Variants in MRAP2 observed in about 807,000 individuals in gnomAD.
The protein encoded by MRAP2 is melanocortin-2 receptor accessory protein 2.
Under a neutral mutation model 17.4 loss-of-function variants are expected in MRAP2, and 20 were observed. The ratio of observed to expected loss-of-function variants is 1.15; its 90% confidence interval spans 0.81 to 1.67. MRAP2 has a LOEUF of 1.67. Among genes scored for constraint, MRAP2 ranks in the 40% most tolerant of loss-of-function variants. MRAP2 has a pLI of 0.00. For synonymous variants in MRAP2, 96 were observed against 88.4 expected (o/e 1.09, Z -0.48); for missense variants, 238 against 240.0 (o/e 0.99, Z 0.05).
At chr6:84,139,543 G>T in the MRAP2 span, among the ~76,000 whole-genome samples, 39 of 152,306 alleles carry the variant, frequency 2.6e-4, no homozygotes, top group African/African-American at 9.4e-4. Flanking sequence ...TGGCAATGCA[G>T]ATGGGACTTT....
downstream of MRAP2, among the ~76,000 whole-genome samples, chr6:84,095,365 C>T (rs1218080218): frequency 1.3e-5 from 2 of 152,198 alleles, no homozygotes; most frequent in Non-Finnish European, 2.9e-5. Context: ...TCAGTTTTCC[C>T]CTGCTCACTT....
chr6:84,049,522 G>A (rs1329607239), intron 1 of MRAP2, among the ~76,000 whole-genome samples: 1 of 152,176 alleles, frequency 6.6e-6, no homozygotes, highest in Non-Finnish European at 1.5e-5. Context: ...GGCATAACAG[G>A]AAGATGTAGA....
chr6:84,057,461 A>G (rs1040878912), intron 2 of MRAP2, among the ~76,000 whole-genome samples: 10 of 152,168 alleles, frequency 6.6e-5, no homozygotes, highest in Non-Finnish European at 1.5e-4. Context: ...TAAGATTCCT[A>G]CCTTCAAAGG....
chr6:84,054,993 A>G (rs555138015), intron 1 of MRAP2, among the ~76,000 whole-genome samples: 78 of 152,338 alleles, frequency 5.1e-4, no homozygotes, highest in African/African-American at 1.9e-3. Flanking sequence ...AGATTTTGAC[A>G]TACTCTTTCC....
chr6:84,041,589 G>C (rs1383802841), intron 1 of MRAP2, among the ~76,000 whole-genome samples: 1 of 152,270 alleles, frequency 6.6e-6, no homozygotes, highest in Non-Finnish European at 1.5e-5. Context: ...AGCTGCCCAA[G>C]GCTATGGGAG....
chr6:84,134,523 G>C, the MRAP2 span, among the ~76,000 whole-genome samples: 1 of 152,182 alleles, frequency 6.6e-6, no homozygotes, highest in African/African-American at 2.4e-5. Flanking sequence ...AAGACCTTGG[G>C]AAAAGCATAG....
the MRAP2 span, among the ~76,000 whole-genome samples, chr6:84,115,767 C>A: frequency 6.6e-6 from 1 of 152,190 alleles, no homozygotes; most frequent in Non-Finnish European, 1.5e-5. Context: ...AAAAGTACAA[C>A]ATCTGGGCTG....
chr6:84,108,949 GT>G, the MRAP2 span, among the ~76,000 whole-genome samples: 1 of 152,126 alleles, frequency 6.6e-6, no homozygotes, highest in Non-Finnish European at 1.5e-5. Context: ...CCCCTGGCTT[GT>G]TTTTGTCGTT....
the MRAP2 span, among the ~76,000 whole-genome samples, chr6:84,097,726 T>C: frequency 5.9e-5 from 9 of 152,210 alleles, no homozygotes; most frequent in Admixed American, 5.9e-4. Flanking sequence ...TTGTTTAATG[T>C]TTCTTATTCT....
intron 1 of MRAP2, among the ~76,000 whole-genome samples, chr6:84,040,760 A>G (rs2099487331): frequency 6.6e-6 from 1 of 152,182 alleles, no homozygotes; most frequent in African/African-American, 2.4e-5. Context: ...GTGGATCATC[A>G]GAGAGATGAT....
chr6:84,082,083 T>G (rs2099499141), intron 3 of MRAP2, among the ~76,000 whole-genome samples: 1 of 152,200 alleles, frequency 6.6e-6, no homozygotes, highest in Non-Finnish European at 1.5e-5. Flanking sequence ...ACCCATACAT[T>G]AGACATTAGA....
the MRAP2 span, among the ~76,000 whole-genome samples, chr6:84,122,027 CAGCT>C: frequency 4.6e-5 from 7 of 152,032 alleles, no homozygotes; most frequent in East Asian, 1.4e-3. Flanking sequence ...ACCAAATTGA[CAGCT>C]AGATTAACCA....
At chr6:84,085,585 A>AC (rs2099500227) in intron 3 of MRAP2, among the ~76,000 whole-genome samples, 1 of 152,192 alleles carries the variant, frequency 6.6e-6, no homozygotes, top group African/African-American at 2.4e-5. Context: ...ATTTTCAGAA[A>AC]CAAGCAAAGG....
At chr6:84,108,797 T>C in the MRAP2 span, among the ~76,000 whole-genome samples, 2 of 152,226 alleles carry the variant, frequency 1.3e-5, no homozygotes, top group Admixed American at 1.3e-4. Flanking sequence ...ACAGGGTTTT[T>C]ATAGTTTGAG....
chr6:84,107,807 C>A, the MRAP2 span, among the ~76,000 whole-genome samples: 4 of 152,212 alleles, frequency 2.6e-5, no homozygotes, highest in African/African-American at 9.6e-5. Context: ...TTAATAGCTG[C>A]ATACAGCTCC....
chr6:84,076,307 T>G (rs2099497595), intron 3 of MRAP2, among the ~76,000 whole-genome samples: 2 of 151,042 alleles, frequency 1.3e-5, no homozygotes, highest in Admixed American at 1.3e-4. Flanking sequence ...GACTGCAACC[T>G]CCACCACCTG....
At chr6:84,114,937 T>G in the MRAP2 span, among the ~76,000 whole-genome samples, 1 of 152,170 alleles carries the variant, frequency 6.6e-6, no homozygotes, top group Non-Finnish European at 1.5e-5. Flanking sequence ...GCCTGTTCCT[T>G]TCTCTGGAAG....
At chr6:84,034,515 C>CGCCCCGTGCCCCGT (rs1205670246) in intron 1 of MRAP2, among the ~76,000 whole-genome samples, 6 of 146,920 alleles carry the variant, frequency 4.1e-5, no homozygotes, top group Non-Finnish European at 6.0e-5. Context: ...GCCCGCCCCG[C>CGCCCCGTGCCCCGT]GCCCCGTGCC....
At chr6:84,039,728 T>A (rs2099487036) in intron 1 of MRAP2, among the ~76,000 whole-genome samples, 1 of 152,238 alleles carries the variant, frequency 6.6e-6, no homozygotes, top group Admixed American at 6.5e-5. Flanking sequence ...TTTGTTTTCC[T>A]CTTGCATGTT....
Sources: allele counts gnomAD v4.1 joint callset (sites outside exome capture counted in the v4.1 genomes callset), GRCh38; gene constraint gnomAD v4.1.1; transcripts MANE v1.5; gene names NCBI Gene and HGNC (gene_info 2026-07-23, HGNC 2026-07-21).